PDGFRA: variants seen among roughly 807,000 people sequenced by gnomAD.
PDGFRA encodes platelet-derived growth factor receptor alpha.
In PDGFRA, 25 loss-of-function variants were observed where a neutral mutation model predicts 121.5. The observed-to-expected ratio is 0.21, with a 90% CI of 0.15 to 0.29. The LOEUF is 0.29. PDGFRA is among the 10% of genes least tolerant of loss of function. PDGFRA has a pLI of 1.00. For missense variants in PDGFRA, 1,008 were observed against 1,345.1 expected (o/e 0.75, Z 3.92); for synonymous variants, 463 against 494.8 (o/e 0.94, Z 0.85).
intron 18 of PDGFRA, among the ~76,000 whole-genome samples, chr4:54,286,207 G>A (rs1325721314): frequency 2.0e-5 from 3 of 152,128 alleles, no homozygotes; most frequent in Non-Finnish European, 4.4e-5. Flanking sequence ...GTAGTGGGAG[G>A]TGATAATAGT....
intron 5 of PDGFRA, 80 bp from the exon 6 acceptor site, chr4:54,267,208 TC>T: frequency 1.5e-6 from 2 of 1,322,276 alleles, no homozygotes; most frequent in East Asian, 2.3e-5. Context: ...ATCCATATCA[TC>T]CAGAGTCCAT....
rs760377080 is a variant in PDGFRA, at chr4:54,270,620, C to T, written c.1122-13C>T. The T allele has an allele frequency of 6.7e-6, 10 of 1,488,314 alleles. No homozygotes were observed. The highest frequency in any genetic ancestry group is 9.4e-6 in the Non-Finnish European group (10 of 1,066,288). 92.2% of individuals were successfully genotyped at this position (1,488,314 alleles called of 1,614,324 possible). On this transcript the variant is annotated splice_polypyrimidine_tract_variant and intron_variant, in intron 7 of 22. Transcript: ENST00000257290. ...AGCTACTGCTTGTTGAAACAAAATC[C>T]TTTTTTTAAAAGGTATCGAAGCAAA...
intron 1 of PDGFRA, among the ~76,000 whole-genome samples, chr4:54,246,356 T>C (rs573420732): frequency 6.6e-6 from 1 of 152,148 alleles, no homozygotes; most frequent in South Asian, 2.1e-4. Context: ...ACAGAAATTA[T>C]AACAAACTGT....
intron 1 of PDGFRA, among the ~76,000 whole-genome samples, chr4:54,232,272 T>C (rs948112858): frequency 3.3e-5 from 5 of 152,178 alleles, no homozygotes; most frequent in African/African-American, 1.2e-4. Flanking sequence ...GGGCGCAAGA[T>C]GCAGGATCGG....
intron 17 of PDGFRA, 57 bp from the exon 18 acceptor site, chr4:54,285,784 G>C (rs2110337068): frequency 6.7e-7 from 1 of 1,493,920 alleles, no homozygotes; most frequent in East Asian, 2.4e-5. Flanking sequence ...TTGCAGGGGT[G>C]ATGCTATTCA....
At chr4:54,246,532 C>A (rs1391992579) in intron 1 of PDGFRA, among the ~76,000 whole-genome samples, 2 of 152,066 alleles carry the variant, frequency 1.3e-5, no homozygotes, top group South Asian at 4.2e-4. Context: ...AACAAAGACA[C>A]AACATACCAG....
intron 1 of PDGFRA, chr4:54,240,230 T>C (rs1237617492): frequency 5.6e-6 from 1 of 177,296 alleles, no homozygotes; most frequent in Non-Finnish European, 1.3e-5. Context: ...TTTGTAGTCT[T>C]TGCCTTGGCT....
chr4:54,272,419 C>G lies in PDGFRA; in HGVS notation c.1263C>G (p.Val421=), dbSNP rs376486197. The G allele has an allele frequency of 1.2e-6, 2 of 1,613,850 alleles. No individual in the cohort carries two copies. Among genetic ancestry groups the G allele is most frequent in the Non-Finnish European group, 1.7e-6 (2 of 1,179,988 alleles). Residue 421 remains valine, a synonymous_variant, in exon 9 of 23, where the codon GTC becomes GTG. Coordinates refer to ENST00000257290, the MANE Select transcript of PDGFRA (RefSeq NM_006206.6). The stretch of plus-strand genomic sequence containing the variant: ...TTCCTTCATCCATTCTGGACTTGGT[C>G]GATGATCACCATGGCTCAACTGGGG... ...TQVPSSILDL[V]DDHHGSTGGQ... is the part of the protein sequence containing the mutation.
intron 4 of PDGFRA, 82 bp from the exon 5 acceptor site, chr4:54,264,834 TAAA>T (rs61317836): frequency 5.7e-4 from 587 of 1,031,638 alleles, no homozygotes; most frequent in African/African-American, 1.8e-3. Context: ...AGGGTTTTCT[TAAA>T]AAAAAAAAAA....
chr4:54,274,423 C>T (rs1226227684), intron 10 of PDGFRA, 108 bp from the exon 11 acceptor site: 2 of 820,716 alleles, frequency 2.4e-6, no homozygotes, highest in Non-Finnish European at 4.2e-6. Flanking sequence ...TCACACTTCC[C>T]CACCAGCAGT....
chr4:54,278,095 T>C, intron 14 of PDGFRA, 89 bp downstream of exon 14: 2 of 822,100 alleles, frequency 2.4e-6, no homozygotes, highest in Non-Finnish European at 4.2e-6. Flanking sequence ...CCACTCTCCA[T>C]CCCCACACAT....
intron 7 of PDGFRA, among the ~76,000 whole-genome samples, chr4:54,269,528 C>T (rs1158311221): frequency 6.6e-6 from 1 of 151,820 alleles, no homozygotes; most frequent in African/African-American, 2.4e-5. Context: ...CACACACACA[C>T]ACACACAACC....
At chr4:54,253,477 C>T (rs1722178059) in intron 1 of PDGFRA, among the ~76,000 whole-genome samples, 1 of 152,128 alleles carries the variant, frequency 6.6e-6, no homozygotes, top group East Asian at 1.9e-4. Flanking sequence ...GGGTAAAGCA[C>T]AAGTCACCTG....
chr4:54,232,777 G>T (rs1220993403), intron 1 of PDGFRA, among the ~76,000 whole-genome samples: 2 of 152,178 alleles, frequency 1.3e-5, no homozygotes, highest in Non-Finnish European at 1.5e-5. Flanking sequence ...TAGAGACGGG[G>T]TTTCACCATA....
At chr4:54,271,795 ACT>A (rs1329419204) in intron 8 of PDGFRA, among the ~76,000 whole-genome samples, 2 of 54,628 alleles carry the variant, frequency 3.7e-5, no homozygotes, top group Admixed American at 2.1e-4. Context: ...TCCCTCCCTC[ACT>A]CTCTCTTTTC....
chr4:54,271,957 TCC>T (rs1560477010), intron 8 of PDGFRA, among the ~76,000 whole-genome samples: 8 of 6,728 alleles, frequency 1.2e-3, no homozygotes, highest in Non-Finnish European at 1.5e-3. Context: ...TCCTTCATTC[TCC>T]CCTCCCCTCC....
intron 1 of PDGFRA, among the ~76,000 whole-genome samples, chr4:54,234,600 C>CGGG (rs1436506215): frequency 1.3e-5 from 2 of 152,172 alleles, no homozygotes; most frequent in African/African-American, 4.8e-5. Context: ...TGGAAGACAA[C>CGGG]ATTTTTATTT....
intron 8 of PDGFRA, among the ~76,000 whole-genome samples, chr4:54,270,982 T>A (rs1158737690): frequency 6.6e-6 from 1 of 152,028 alleles, no homozygotes; most frequent in African/African-American, 2.4e-5. Context: ...CCAGCTAGCT[T>A]TATTTTTGTA....
chr4:54,249,408 G>T (rs1371787553), intron 1 of PDGFRA, among the ~76,000 whole-genome samples: 1 of 152,128 alleles, frequency 6.6e-6, no homozygotes, highest in Admixed American at 6.5e-5. Context: ...TGATAGACTG[G>T]ATTAAGAAAA....
Sources: gnomAD v4.1 joint callset for allele counts (sites outside exome capture counted in the v4.1 genomes callset) on GRCh38, gnomAD v4.1.1 for gene constraint, MANE v1.5 for transcripts, NCBI Gene and HGNC (gene_info 2026-07-23, HGNC 2026-07-21) for gene names.